Variants in PSD observed in about 807,000 individuals in gnomAD.
PSD encodes PH and SEC7 domain-containing protein 1.
PSD carries 32 observed loss-of-function variants against 91.6 expected under a neutral mutation model. The ratio of observed to expected loss-of-function variants is 0.35; its 90% CI spans 0.26 to 0.47. PSD has a LOEUF of 0.47. Ranked by LOEUF, PSD falls within the 20% of genes least tolerant of loss-of-function variation. PSD has a pLI of 1.00. For missense variants in PSD, 1,099 were observed against 1,373.9 expected, an observed-to-expected ratio of 0.80 and a Z score of 3.16; for synonymous variants, 532 against 569.3, an observed-to-expected ratio of 0.93 and a Z score of 0.93.
In PSD at chr10:102,404,703, C is replaced by T; in HGVS notation, c.2580G>A (p.Trp860Ter). Residue 860 changes from tryptophan (W) to a stop codon, truncating the protein, a stop_gained, in exon 15 of 17, where the codon TGG (tryptophan) becomes TGA (stop). Coordinates refer to ENST00000020673, the MANE Select transcript of PSD (RefSeq NM_002779.5). LOFTEE classifies it high-confidence loss of function. This position sits in a 1 kb window ranked among gnomAD's most constrained non-coding sequence, Gnocchi z 5.7. ...QAPSLEQMQS[W>*]ITRINVVAAM... Reference sequence around the variant, plus strand: ...CGGCTACTACATTGATGCGAGTGATCCAGGACTGCATCTGCTCCAGGCTCC... The same window carrying T: ...CGGCTACTACATTGATGCGAGTGATTCAGGACTGCATCTGCTCCAGGCTCC... 6.3e-7 allele frequency: 1 copy of T among 1,588,908 alleles called. No homozygotes were observed. Among genetic ancestry groups the T allele is most frequent in the Non-Finnish European group, 8.6e-7 (1 of 1,165,066 alleles).
chr10:102,416,374 A>T lies in PSD; in HGVS notation c.654+11T>A, dbSNP rs2061480587. On this transcript the variant is annotated intron_variant, in intron 2 of 16. Coordinates refer to ENST00000020673, the MANE Select transcript of PSD (RefSeq NM_002779.5). This position sits in a 1 kb window ranked among gnomAD's most constrained non-coding sequence, Gnocchi z 6.0. ...ACTGGGGGCCCAGGGAGCCCAGGGGAAGTTGCATACCTGGTTCAGGAATCC... is the reference window on the plus strand; with the variant it reads ...ACTGGGGGCCCAGGGAGCCCAGGGGTAGTTGCATACCTGGTTCAGGAATCC... 6.3e-7 allele frequency: 1 copy of T among 1,589,322 alleles called. No homozygotes were observed. The highest frequency in any genetic ancestry group is 8.6e-7 in the Non-Finnish European group (1 of 1,168,638).
chr10:102,414,638 C>T lies in PSD; in HGVS notation c.1124+225G>A, dbSNP rs1188593234. ...CTTGACTGTGGCCTCTGGCCTCTCA[C>T]CCTGCCCCCTGTTCTGCTAGAACCC... is the stretch of plus-strand genomic sequence containing the variant. On this transcript the variant is annotated intron_variant, in intron 4 of 16. Transcript: ENST00000020673. This position sits in a 1 kb window ranked among gnomAD's most constrained non-coding sequence, Gnocchi z 5.6. 6.6e-6 allele frequency among the ~76,000 whole-genome samples: 1 copy of T among 152,188 alleles called. No homozygotes were observed. Among genetic ancestry groups the T allele is most frequent in the African/African-American group, 2.4e-5 (1 of 41,446 alleles).
chr10:102,404,990 A>G lies in PSD; in HGVS notation c.2463T>C (p.His821=), dbSNP rs1589880993. The G allele has an allele frequency of 6.2e-7, 1 of 1,614,064 alleles. No individual in the cohort carries two copies. The highest frequency in any genetic ancestry group is 8.5e-7 in the Non-Finnish European group (1 of 1,179,980). Residue 821 remains histidine (H), a synonymous_variant, in exon 14 of 17, where the codon CAT becomes CAC. Transcript: ENST00000020673. This position sits in a 1 kb window ranked among gnomAD's most constrained non-coding sequence, Gnocchi z 5.7. ...AGTCACTGGCACGAGTGGCCAGGGC[A>G]TGGTGGATGCTGATGGCATTCTTGA... ...TELKNAISIH[H]ALATRASDYS... is the part of the protein sequence containing the mutation.
Position 102,415,241 on chromosome 10 carries a change from A to G in PSD, c.758-12T>C, listed in dbSNP as rs932402974. ...TGGGGGCTTAGCACCTGTAGTGTGC[A>G]TAGGCATCCAGGTCAGGAGGTTATC... On this transcript the variant is annotated splice_polypyrimidine_tract_variant and intron_variant, in intron 3 of 16. Coordinates refer to ENST00000020673, the MANE Select transcript of PSD (RefSeq NM_002779.5). 10 of 1,587,170 alleles carry G rather than the reference A, an allele frequency of 6.3e-6. No individual in the cohort carries two copies. Among genetic ancestry groups the G allele is most frequent in the Non-Finnish European group, 8.6e-6 (10 of 1,162,740 alleles).
rs1198905509 is a variant in PSD, at chr10:102,417,044, G to A, written c.-6C>T. On this transcript the variant is annotated 5_prime_UTR_variant, in exon 2 of 17. Coordinates refer to ENST00000020673, the MANE Select transcript of PSD (RefSeq NM_002779.5). ...CGCATGGCACCCTGGGCCATGCTGG[G>A]GCCGGGGGTCAGGCTGGGGGGGCAG... is the stretch of plus-strand genomic sequence containing the variant. 1 of 1,547,058 alleles carries A rather than the reference G, an allele frequency of 6.5e-7. No homozygotes were observed. Among genetic ancestry groups the A allele is most frequent in the Non-Finnish European group, 8.7e-7 (1 of 1,154,112 alleles).
chr10:102,411,313 A>T (rs1305587306), intron 8 of PSD, among the ~76,000 whole-genome samples, 197 bp from the exon 9 acceptor site: 1 of 31,564 alleles, frequency 3.2e-5, no homozygotes, highest in African/African-American at 1.1e-4. Flanking sequence ...GGCTCCCTCA[A>T]GTACTGAGGG....
rs1420822034 is a variant in PSD, at chr10:102,416,924, T to C, written c.115A>G (p.Met39Val). ...GPVPQSPPASMYGSTGSLLRR... is the reference protein window; with the variant it reads ...GPVPQSPPASVYGSTGSLLRR... Reference sequence around the variant, plus strand: ...AGCAAGGAGCCTGTGCTGCCATACATGCTGGCTGGGGGGCTCTGGGGCACC... The same window carrying C: ...AGCAAGGAGCCTGTGCTGCCATACACGCTGGCTGGGGGGCTCTGGGGCACC... Residue 39 changes from methionine to valine, a missense_variant, in exon 2 of 17, where the codon ATG (methionine) becomes GTG (valine). Coordinates refer to ENST00000020673, the MANE Select transcript of PSD (RefSeq NM_002779.5). The surrounding 1 kb of genome is among the most constrained non-coding windows in gnomAD (Gnocchi z 6.0). 6.2e-7 allele frequency: 1 copy of C among 1,606,280 alleles called. No individual in the cohort carries two copies.
chr10:102,409,115 GGCCCCCGGCCATGCCCCCGTCC>G lies in PSD; in HGVS notation c.2091+1721_2091+1742del. 1 of 982,136 alleles carries G rather than the reference GGCCCCCGGCCATGCCCCCGTCC, an allele frequency of 1.0e-6. No individual in the cohort carries two copies. The highest frequency in any genetic ancestry group is 4.7e-5 in the South Asian group (1 of 21,290). 60.8% of individuals were successfully genotyped at this position (982,136 alleles called of 1,614,324 possible). A position where few individuals can be genotyped will look rare whatever the true frequency, so the allele number is the denominator to read the frequency against. On this transcript the variant is annotated intron_variant, in intron 10 of 16. Transcript: ENST00000020673. The surrounding 1 kb of genome is among the most constrained non-coding windows in gnomAD (Gnocchi z 5.7). The stretch of plus-strand genomic sequence containing the variant: ...CATGCTGGCCCGGCCGGCGCGCCGC[GGCCCCCGGCCATGCCCCCGTCC>G]GCCCTCGGCCCCCGGGCCGCCCGGA...
In PSD at chr10:102,405,463, C is replaced by A. The variant is rs752053696; in HGVS notation, c.2209G>T (p.Gly737Trp). The A allele has an allele frequency of 6.2e-7, 1 of 1,614,038 alleles. No individual in the cohort carries two copies. The highest frequency in any genetic ancestry group is 2.2e-5 in the East Asian group (1 of 44,876). ...GGGCTGGAGCCACTGCCACTGCCCCCGCTGATCCGCTTGATGACCTTGGGG... is the reference window on the plus strand; with the variant it reads ...GGGCTGGAGCCACTGCCACTGCCCCAGCTGATCCGCTTGATGACCTTGGGG... ...PNPKVIKRIS[G>W]GSGSGSSPFL... is the part of the protein sequence containing the mutation. Residue 737 changes from glycine to tryptophan, a missense_variant, in exon 12 of 17, where the codon GGG becomes TGG. By Grantham distance (184) the Gly-to-Trp change is radical. Transcript: ENST00000020673. The surrounding 1 kb of genome is among the most constrained non-coding windows in gnomAD (Gnocchi z 5.4).
At position 102,405,463 on chromosome 10, in the gene PSD, C is replaced by G. The variant is rs752053696; in HGVS notation, c.2209G>C (p.Gly737Arg). 52 of 1,613,920 alleles carry G rather than the reference C, an allele frequency of 3.2e-5. No individual in the cohort carries two copies. The highest frequency in any genetic ancestry group is 4.3e-5 in the Non-Finnish European group (51 of 1,180,010). ...PNPKVIKRIS[G>R]GSGSGSSPFL... Reference sequence around the variant, plus strand: ...GGGCTGGAGCCACTGCCACTGCCCCCGCTGATCCGCTTGATGACCTTGGGG... The same window carrying G: ...GGGCTGGAGCCACTGCCACTGCCCCGGCTGATCCGCTTGATGACCTTGGGG... The change falls in exon 12 of 17, where the codon GGG (glycine) becomes CGG (arginine). Residue 737 changes from glycine (G) to arginine (R), a missense_variant. Physicochemically the swap from Gly to Arg is moderately radical, Grantham distance 125. This residue lies in a region of PSD where 358 missense variants were observed against 426.5 expected (regional missense o/e 0.84). Coordinates refer to ENST00000020673, the MANE Select transcript of PSD (RefSeq NM_002779.5). The surrounding 1 kb of genome is among the most constrained non-coding windows in gnomAD (Gnocchi z 5.4).
At position 102,409,989 on chromosome 10, in the gene PSD, GCAACT is replaced by G. The variant is rs2061407989; in HGVS notation, c.2091+864_2091+868del. On this transcript the variant is annotated intron_variant, in intron 10 of 16. Coordinates refer to ENST00000020673, the MANE Select transcript of PSD (RefSeq NM_002779.5). This position sits in a 1 kb window ranked among gnomAD's most constrained non-coding sequence, Gnocchi z 5.7. ...ATTCACGACGCCCGGGCACACAGAT[GCAACT>G]CAACTCAAGCAACACCCCAGCTCAC... 6.6e-6 allele frequency among the ~76,000 whole-genome samples: 1 copy of G among 152,090 alleles called. No individual in the cohort carries two copies. The highest frequency in any genetic ancestry group is 2.1e-4 in the South Asian group (1 of 4,822).
rs45534636 is a variant in PSD, at chr10:102,402,696, G to A, written c.*504C>T. 20 of 315,666 alleles carry A rather than the reference G, an allele frequency of 6.3e-5. No homozygotes were observed. The highest frequency in any genetic ancestry group is 8.5e-4 in the Middle Eastern group (1 of 1,176). 19.6% of individuals were successfully genotyped at this position (315,666 alleles called of 1,614,324 possible). ...CACTGAAGCGGGGGAAAGCCAGGCC[G>A]TGCTGCCCCCGGCCCAGGTATGGGG... On this transcript the variant is annotated 3_prime_UTR_variant, in exon 17 of 17. Transcript: ENST00000020673.
Position 102,412,556 on chromosome 10 carries a change from G to C in PSD, c.1573C>G (p.Leu525Val). 6 of 1,613,002 alleles carry C rather than the reference G, an allele frequency of 3.7e-6. No homozygotes were observed. Among genetic ancestry groups the C allele is most frequent in the Non-Finnish European group, 5.1e-6 (6 of 1,179,466 alleles). The change falls in exon 6 of 17, where the codon CTG becomes GTG. Residue 525 changes from leucine (L) to valine (V), a missense_variant. Physicochemically the swap from Leu to Val is conservative, Grantham distance 32. Coordinates refer to ENST00000020673, the MANE Select transcript of PSD (RefSeq NM_002779.5). Reference sequence around the variant, plus strand: ...AGCTCTGAGTCTGAGTCGGACACCAGCTGGCTCAGGGGTGGTTCGCTGCCG... The same window carrying C: ...AGCTCTGAGTCTGAGTCGGACACCACCTGGCTCAGGGGTGGTTCGCTGCCG... The part of the protein sequence containing the change: ...PLGSEPPLSQ[L>V]VSDSDSELDS...
chr10:102,407,236 G>A lies in PSD; in HGVS notation c.2122C>T (p.Leu708=), dbSNP rs750879268. 8 of 1,603,012 alleles carry A rather than the reference G, an allele frequency of 5.0e-6. No individual in the cohort carries two copies. In the African/African-American group the frequency reaches 9.4e-5, roughly 19 times the overall value. ...ALYSSIKNEK[L]QWAIDEEELR... ...CCCGGGACTCACATGGCCCACTGCAGCTTCTCATTCTTGATGGAGCTGTAC... is the reference window on the plus strand; with the variant it reads ...CCCGGGACTCACATGGCCCACTGCAACTTCTCATTCTTGATGGAGCTGTAC... The change falls in exon 11 of 17, where the codon CTG becomes TTG. Residue 708 remains leucine, a synonymous_variant. Transcript: ENST00000020673.
intron 7 of PSD, 24 bp downstream of exon 7, chr10:102,412,123 G>A (rs774579121): frequency 2.5e-6 from 4 of 1,609,402 alleles, no homozygotes; most frequent in Admixed American, 1.7e-5. Flanking sequence ...AGTGGGGGCT[G>A]TCCTCCAAGG....
Position 102,410,825 on chromosome 10 carries a change from C to G in PSD, c.2091+33G>C. ...GCCGACTGGGTCCTCCATCCTTCCC[C>G]TCCAGCGACTTCTACCCTGCCCCGC... On this transcript the variant is annotated intron_variant, in intron 10 of 16. Coordinates refer to ENST00000020673, the MANE Select transcript of PSD (RefSeq NM_002779.5). This position sits in a 1 kb window ranked among gnomAD's most constrained non-coding sequence, Gnocchi z 6.0. 6.4e-7 allele frequency: 1 copy of G among 1,555,156 alleles called. No individual in the cohort carries two copies. Among genetic ancestry groups the G allele is most frequent in the Non-Finnish European group, 8.9e-7 (1 of 1,127,548 alleles).
rs763589602 is a variant in PSD at position 102,415,204 on chromosome 10, G to A, written c.783C>T (p.Pro261=). ...SSGAKPPEQA[P]PSPPGVGSRQ... The stretch of plus-strand genomic sequence containing the variant: ...TTGAGCCCACCCCAGGTGGAGATGG[G>A]GGGGCCTGCTCTGGGGGCTTAGCAC... Residue 261 remains proline (P), a synonymous_variant, in exon 4 of 17, where the codon CCC becomes CCT. Coordinates refer to ENST00000020673, the MANE Select transcript of PSD (RefSeq NM_002779.5). 6.2e-7 allele frequency: 1 copy of A among 1,611,338 alleles called. No individual in the cohort carries two copies. The highest frequency in any genetic ancestry group is 8.5e-7 in the Non-Finnish European group (1 of 1,178,778).
Position 102,416,481 on chromosome 10 carries a change from A to G in PSD, c.558T>C (p.Asp186=), listed in dbSNP as rs1475775084. ...GPPAPPQVGA[D]GLYSSLPNGL... ...CATTGGGGAGAGAGGAGTAAAGGCC[A>G]TCTGCTCCAACCTGGGGTGGGGCTG... The change falls in exon 2 of 17, where the codon GAT becomes GAC. Residue 186 remains aspartate, a synonymous_variant. Coordinates refer to ENST00000020673, the MANE Select transcript of PSD (RefSeq NM_002779.5). This position sits in a 1 kb window ranked among gnomAD's most constrained non-coding sequence, Gnocchi z 6.0. 1.9e-6 allele frequency: 3 copies of G among 1,613,588 alleles called. No homozygotes were observed. Among genetic ancestry groups the G allele is most frequent in the South Asian group, 1.1e-5 (1 of 91,024 alleles).
rs763579525 is a variant in PSD, at chr10:102,405,273, G to A, written c.2327-20C>T. The A allele has an allele frequency of 6.2e-7, 1 of 1,610,170 alleles. No homozygotes were observed. The highest frequency in any genetic ancestry group is 1.1e-5 in the South Asian group (1 of 91,082). ...GAGGTGCTGCGGGGAGAGAAGACAGGTCAGGGGGCCCTGGAACAGGCCCAC... is the reference window on the plus strand; with the variant it reads ...GAGGTGCTGCGGGGAGAGAAGACAGATCAGGGGGCCCTGGAACAGGCCCAC... On this transcript the variant is annotated intron_variant, in intron 12 of 16. Transcript: ENST00000020673. This position sits in a 1 kb window ranked among gnomAD's most constrained non-coding sequence, Gnocchi z 5.4.
Sources: allele counts gnomAD v4.1 joint callset (sites outside exome capture counted in the v4.1 genomes callset), GRCh38; gene constraint gnomAD v4.1.1; regional missense constraint gnomAD v4.1.1; non-coding constraint Gnocchi (gnomAD v3.1); transcripts MANE v1.5; gene names NCBI Gene and HGNC (gene_info 2026-07-23, HGNC 2026-07-21).